TMEM182: variants seen among roughly 807,000 people sequenced by gnomAD.
The protein encoded by TMEM182 is transmembrane protein 182.
A neutral mutation model predicts 26.8 loss-of-function variants in TMEM182; 20 were observed. The ratio of observed to expected loss-of-function variants is 0.75; its 90% CI spans 0.53 to 1.09. The LOEUF (loss-of-function observed/expected upper bound fraction) is 1.09. TMEM182 is among the 50% of genes least tolerant of loss of function. The probability of loss-of-function intolerance (pLI) is 0.00; values close to 1 mark genes in which losing one functional copy is unlikely to be tolerated. For synonymous variants in TMEM182, 109 were observed against 102.2 expected (o/e 1.07, Z -0.40); for missense variants, 277 against 275.5 (o/e 1.01, Z -0.04).
At chr2:102,752,677 G>T (rs915130507) in intron 1 of TMEM182, among the ~76,000 whole-genome samples, 6 of 152,192 alleles carry the variant, frequency 3.9e-5, no homozygotes, top group African/African-American at 1.2e-4. Context: ...TGGGCCATAT[G>T]ACCTGAACTT....
At chr2:102,826,570 C>T (rs1490696138) in intron 3 of TMEM182, among the ~76,000 whole-genome samples, 1 of 152,114 alleles carries the variant, frequency 6.6e-6, no homozygotes, top group East Asian at 1.9e-4. Flanking sequence ...TAAATGTTAT[C>T]AACTATTACT....
At chr2:102,811,939 C>T (rs974626645) in intron 4 of TMEM182, among the ~76,000 whole-genome samples, 4 of 152,110 alleles carry the variant, frequency 2.6e-5, no homozygotes, top group African/African-American at 7.2e-5. Flanking sequence ...ATACTCTATG[C>T]GACTGGATGT....
intron 4 of TMEM182, among the ~76,000 whole-genome samples, chr2:102,813,903 TCCTTCCTTCCTTCCTCCCTTCCTC>T (rs946339522): frequency 1.3e-5 from 2 of 151,848 alleles, no homozygotes; most frequent in Non-Finnish European, 2.9e-5. Flanking sequence ...CCTCTGTCCC[TCCTTCCTTCCTTCCTCCCTTCCTC>T]CCTTCCTTCA....
exon 1 of TMEM182, chr2:102,736,961 G>A (rs1198277355): frequency 2.2e-6 from 2 of 918,628 alleles, no homozygotes; most frequent in African/African-American, 1.7e-5. Flanking sequence ...GGCCGGTGCT[G>A]GCTGGGAGTT....
intron 3 of TMEM182, among the ~76,000 whole-genome samples, chr2:102,765,670 A>G (rs1285524784): frequency 1.3e-5 from 2 of 152,212 alleles, no homozygotes; most frequent in Non-Finnish European, 2.9e-5. Flanking sequence ...CAAAGAATGT[A>G]ACATTTGCTT....
At chr2:102,794,041 G>A (rs1249691295) in intron 3 of TMEM182, among the ~76,000 whole-genome samples, 2 of 152,138 alleles carry the variant, frequency 1.3e-5, no homozygotes, top group Non-Finnish European at 2.9e-5. Context: ...CTGCACTCCA[G>A]CCTGTATGAC....
At chr2:102,785,339 A>G (rs1053975478) in intron 3 of TMEM182, among the ~76,000 whole-genome samples, 1 of 152,176 alleles carries the variant, frequency 6.6e-6, no homozygotes, top group African/African-American at 2.4e-5. Flanking sequence ...CTTTTATGCA[A>G]TATGCTAAGA....
rs1281459432 is a variant in TMEM182 at position 102,816,498 on chromosome 2, G to T, written c.*1530G>T. The T allele has an allele frequency of 3.1e-6, 3 of 965,628 alleles. No individual in the cohort carries two copies. Among genetic ancestry groups the T allele is most frequent in the Non-Finnish European group, 1.2e-6 (1 of 817,746 alleles). The allele number at this position is 965,628 out of a possible 1,614,324, so 59.8% of individuals were successfully genotyped here. On this transcript the variant is annotated 3_prime_UTR_variant, in exon 5 of 5. Transcript: ENST00000412401. ...GTCTGAATCTTCAGGGCATTTTCAT[G>T]ACAGGACTTGCCAATAATAATAATA...
chr2:102,826,442 G>C (rs1204504507), intron 3 of TMEM182, among the ~76,000 whole-genome samples: 3 of 151,852 alleles, frequency 2.0e-5, no homozygotes. Flanking sequence ...TTGGCAGTGT[G>C]GTGTTGAGCA....
At chr2:102,828,271 C>T (rs1363742191) in intron 3 of TMEM182, among the ~76,000 whole-genome samples, 2 of 152,082 alleles carry the variant, frequency 1.3e-5, no homozygotes, top group Non-Finnish European at 2.9e-5. Context: ...CAGGAGATCA[C>T]ATGTAACCGA....
At chr2:102,767,394 C>G (rs538754617) in intron 3 of TMEM182, among the ~76,000 whole-genome samples, 1 of 152,220 alleles carries the variant, frequency 6.6e-6, no homozygotes, top group Non-Finnish European at 1.5e-5. Flanking sequence ...ATTCTATTAC[C>G]TTTGGAGAGT....
At chr2:102,820,714 G>T (rs1682900874), downstream of TMEM182, among the ~76,000 whole-genome samples, 1 of 152,242 alleles carries the variant, frequency 6.6e-6, no homozygotes, top group Admixed American at 6.5e-5. Context: ...GGCAGCTTGT[G>T]TGGCTGGCCA....
intron 3 of TMEM182, among the ~76,000 whole-genome samples, chr2:102,842,364 C>T (rs1683370053): frequency 6.6e-6 from 1 of 152,180 alleles, no homozygotes; most frequent in South Asian, 2.1e-4. Context: ...TAAACAGATC[C>T]TTGAACTTGC....
chr2:102,823,709 A>G (rs1429014199), intron 3 of TMEM182, among the ~76,000 whole-genome samples: 1 of 152,234 alleles, frequency 6.6e-6, no homozygotes, highest in Non-Finnish European at 1.5e-5. Flanking sequence ...ATATGCTTAC[A>G]TTAACTTTTA....
intron 3 of TMEM182, among the ~76,000 whole-genome samples, chr2:102,795,612 C>A (rs1399791255): frequency 1.3e-5 from 2 of 152,170 alleles, no homozygotes; most frequent in Non-Finnish European, 2.9e-5. Flanking sequence ...GGTCTTCAAA[C>A]TGTAATTTGG....
intron 4 of TMEM182, among the ~76,000 whole-genome samples, chr2:102,812,500 A>C (rs1265468701): frequency 6.6e-6 from 1 of 152,136 alleles, no homozygotes; most frequent in Admixed American, 6.6e-5. Context: ...TCAATTAGTG[A>C]ACAAGTTAAA....
chr2:102,793,739 C>T (rs1321203982), intron 3 of TMEM182, among the ~76,000 whole-genome samples: 2 of 152,090 alleles, frequency 1.3e-5, no homozygotes, highest in African/African-American at 4.8e-5. Flanking sequence ...GTTGTATTGA[C>T]ATTTTTTGTT....
intron 3 of TMEM182, among the ~76,000 whole-genome samples, chr2:102,793,157 A>G (rs540474681): frequency 6.6e-6 from 1 of 152,112 alleles, no homozygotes; most frequent in Non-Finnish European, 1.5e-5. Context: ...TCCAGTTCCT[A>G]GGGGATCACA....
intron 3 of TMEM182, among the ~76,000 whole-genome samples, chr2:102,778,174 T>A (rs2540288): frequency 0.56 from 84,716 of 151,180 alleles, 24,613 homozygotes; most frequent in African/African-American, 0.72. Context: ...TTTGCTTCAC[T>A]TATTTCATAG....
Sources: gnomAD v4.1 joint callset for allele counts (sites outside exome capture counted in the v4.1 genomes callset) on GRCh38, gnomAD v4.1.1 for gene constraint, MANE v1.5 for transcripts, NCBI Gene and HGNC (gene_info 2026-07-23, HGNC 2026-07-21) for gene names.